Variants in DRC8 observed in about 807,000 individuals in gnomAD.
The protein encoded by DRC8 is dynein regulatory complex protein 8.
At chr1:245,084,627 A>G in the DRC8 span, among the ~76,000 whole-genome samples, 3 of 152,320 alleles carry the variant, frequency 2.0e-5, no homozygotes, top group African/African-American at 7.2e-5. Flanking sequence ...AGCCTGATGG[A>G]CAGTCTCCTG....
At chr1:244,991,840 T>A in the DRC8 span, among the ~76,000 whole-genome samples, 1 of 152,236 alleles carries the variant, frequency 6.6e-6, no homozygotes, top group Non-Finnish European at 1.5e-5. Flanking sequence ...TTTCATGTGG[T>A]TCGAGCCTTG....
chr1:245,008,888 A>C, the DRC8 span, among the ~76,000 whole-genome samples: 1 of 151,682 alleles, frequency 6.6e-6, no homozygotes, highest in Non-Finnish European at 1.5e-5. Context: ...AGGTCTCGCT[A>C]TGTTGCTTAG....
At chr1:244,973,370 A>G in the DRC8 span, among the ~76,000 whole-genome samples, 1 of 152,206 alleles carries the variant, frequency 6.6e-6, no homozygotes. Flanking sequence ...GTTCCAAAAG[A>G]TCTGGGACCA....
the DRC8 span, among the ~76,000 whole-genome samples, chr1:245,000,161 A>G: frequency 6.6e-6 from 1 of 152,224 alleles, no homozygotes; most frequent in Non-Finnish European, 1.5e-5. Context: ...AGAGCTGAAT[A>G]CTAATAACTA....
At chr1:244,979,546 T>G in the DRC8 span, among the ~76,000 whole-genome samples, 7 of 152,008 alleles carry the variant, frequency 4.6e-5, no homozygotes, top group East Asian at 1.2e-3. Flanking sequence ...CCTCAAATGA[T>G]CCGCCTGCCT....
the DRC8 span, chr1:244,970,459 C>A: frequency 6.6e-7 from 1 of 1,519,492 alleles, no homozygotes; most frequent in East Asian, 2.6e-5. Context: ...GTAGGGGAGC[C>A]GGGGAGCCGC....
At chr1:245,088,897 G>A in the DRC8 span, among the ~76,000 whole-genome samples, 1 of 152,138 alleles carries the variant, frequency 6.6e-6, no homozygotes, top group Admixed American at 6.5e-5. The surrounding 1 kb of genome is among the most constrained non-coding windows in gnomAD (Gnocchi z 4.6). Context: ...GAGATTTGGG[G>A]GTCATGATGA....
the DRC8 span, among the ~76,000 whole-genome samples, chr1:245,012,823 C>T: frequency 6.6e-6 from 1 of 152,068 alleles, no homozygotes; most frequent in African/African-American, 2.4e-5. Flanking sequence ...TTTGGAATTT[C>T]TAAATTGTAT....
chr1:245,022,263 A>G, the DRC8 span, among the ~76,000 whole-genome samples: 1 of 151,296 alleles, frequency 6.6e-6, no homozygotes, highest in Non-Finnish European at 1.5e-5. Flanking sequence ...CTCCTGCCTC[A>G]GCCTCCCAAG....
chr1:245,028,185 A>C, the DRC8 span, among the ~76,000 whole-genome samples: 5 of 152,008 alleles, frequency 3.3e-5, no homozygotes, highest in Admixed American at 1.3e-4. Context: ...CACCATGCTG[A>C]GCCTCTTTTA....
chr1:245,027,591 T>A, the DRC8 span, among the ~76,000 whole-genome samples: 1 of 152,306 alleles, frequency 6.6e-6, no homozygotes. Context: ...AAACTATCTA[T>A]TTCGAATATA....
chr1:245,025,060 T>A, the DRC8 span, among the ~76,000 whole-genome samples: 1 of 152,150 alleles, frequency 6.6e-6, no homozygotes, highest in Non-Finnish European at 1.5e-5. Flanking sequence ...TTTTTTTTAA[T>A]TTAGTCAAAT....
At chr1:245,011,771 A>G in the DRC8 span, among the ~76,000 whole-genome samples, 7 of 152,364 alleles carry the variant, frequency 4.6e-5, no homozygotes, top group East Asian at 1.9e-4. Flanking sequence ...GCTGTGTTGA[A>G]CAAAGTTAAG....
the DRC8 span, among the ~76,000 whole-genome samples, chr1:245,084,072 C>T: frequency 9.2e-6 from 1 of 109,122 alleles, no homozygotes; most frequent in African/African-American, 3.2e-5. Flanking sequence ...GCCCCCCCCC[C>T]GGCGCCCCGG....
At chr1:245,049,123 T>TAA in the DRC8 span, among the ~76,000 whole-genome samples, 1 of 152,182 alleles carries the variant, frequency 6.6e-6, no homozygotes, top group Non-Finnish European at 1.5e-5. The surrounding 1 kb of genome is among the most constrained non-coding windows in gnomAD (Gnocchi z 4.5). Context: ...TAGCTGGACT[T>TAA]ACAGGTGTGT....
At chr1:245,042,918 C>A in the DRC8 span, among the ~76,000 whole-genome samples, 1 of 152,146 alleles carries the variant, frequency 6.6e-6, no homozygotes, top group African/African-American at 2.4e-5. Context: ...TTCCCCGGGT[C>A]AAACATTTTA....
the DRC8 span, among the ~76,000 whole-genome samples, chr1:244,971,845 G>A: frequency 6.6e-6 from 1 of 151,444 alleles, no homozygotes; most frequent in Non-Finnish European, 1.5e-5. Flanking sequence ...ATTAATCTGA[G>A]AAGCCAGGAT....
chr1:245,065,847 C>T, the DRC8 span, among the ~76,000 whole-genome samples: 5 of 151,580 alleles, frequency 3.3e-5, no homozygotes, highest in Non-Finnish European at 7.4e-5. Flanking sequence ...GCTGCCAGTT[C>T]GGACACCTTC....
At chr1:245,022,232 A>G in the DRC8 span, among the ~76,000 whole-genome samples, 1 of 147,914 alleles carries the variant, frequency 6.8e-6, no homozygotes, top group Non-Finnish European at 1.5e-5. Context: ...TGCAACCTCC[A>G]CCTCCTGGGT....
Sources: gnomAD v4.1 joint callset for allele counts (sites outside exome capture counted in the v4.1 genomes callset) on GRCh38, gnomAD v4.1.1 for gene constraint, Gnocchi (gnomAD v3.1) non-coding constraint, MANE v1.5 for transcripts, NCBI Gene and HGNC (gene_info 2026-07-23, HGNC 2026-07-21) for gene names.